The following PLEKHG1 variants were observed in gnomAD, a reference collection of about 807,000 sequenced individuals.
PLEKHG1 encodes pleckstrin homology domain-containing family G member 1.
PLEKHG1 carries 44 observed loss-of-function variants against 100.8 expected under a neutral mutation model. That is an observed-to-expected ratio of 0.44 (90% CI 0.34 to 0.56). The LOEUF is 0.56. Ranked by LOEUF, PLEKHG1 falls within the 20% of genes least tolerant of loss-of-function variation. The pLI, the probability that PLEKHG1 is intolerant of heterozygous loss-of-function variation, is 0.01. For synonymous variants in PLEKHG1, 640 were observed against 662.5 expected, an observed-to-expected ratio of 0.97 and a Z score of 0.52; for missense variants, 1,545 against 1,720.9, an observed-to-expected ratio of 0.90 and a Z score of 1.81.
intron 2 of PLEKHG1, among the ~76,000 whole-genome samples, chr6:150,763,715 G>A (rs1255293318): frequency 6.6e-6 from 1 of 152,220 alleles, no homozygotes; most frequent in Non-Finnish European, 1.5e-5. Flanking sequence ...GTCCTTCTCT[G>A]CAGAGGGAGC....
At chr6:150,668,645 A>G (rs185849024) in intron 3 of PLEKHG1, among the ~76,000 whole-genome samples, 2 of 152,200 alleles carry the variant, frequency 1.3e-5, no homozygotes, top group African/African-American at 4.8e-5. Context: ...GTTCCTAATC[A>G]GGCCGGACCT....
intron 15 of PLEKHG1, among the ~76,000 whole-genome samples, chr6:150,839,290 A>T (rs1356334048): frequency 6.6e-6 from 1 of 152,038 alleles, no homozygotes; most frequent in Non-Finnish European, 1.5e-5. Flanking sequence ...AAATTTTTGT[A>T]ATTTTAGTAG....
At chr6:150,729,055 G>A (rs1188456421) in intron 1 of PLEKHG1, among the ~76,000 whole-genome samples, 2 of 152,084 alleles carry the variant, frequency 1.3e-5, no homozygotes, top group African/African-American at 4.8e-5. Flanking sequence ...AATCTGGTGT[G>A]TATCTTACAT....
chr6:150,604,363 T>G (rs1776496844), intron 1 of PLEKHG1, among the ~76,000 whole-genome samples: 1 of 152,210 alleles, frequency 6.6e-6, no homozygotes, highest in Non-Finnish European at 1.5e-5. Flanking sequence ...TGGCAAGTCT[T>G]TTCCTGTAAA....
chr6:150,805,930 A>G (rs551141380), intron 7 of PLEKHG1, among the ~76,000 whole-genome samples: 1 of 152,328 alleles, frequency 6.6e-6, no homozygotes. Flanking sequence ...CTGTTGGGCC[A>G]GTGATCATGC....
At chr6:150,748,276 A>G (rs887950992) in intron 2 of PLEKHG1, among the ~76,000 whole-genome samples, 3 of 150,192 alleles carry the variant, frequency 2.0e-5, no homozygotes, top group Non-Finnish European at 4.5e-5. Flanking sequence ...TCGTTTATCC[A>G]TTCATCCATT....
At chr6:150,628,575 C>CACACACACACACACACAT (rs754227842) in intron 1 of PLEKHG1, among the ~76,000 whole-genome samples, 3,022 of 137,326 alleles carry the variant, frequency 0.022, 196 homozygotes, top group Middle Eastern at 0.042. Flanking sequence ...CACACACACA[C>CACACACACACACACACAT]ACCCCGTCCT....
At chr6:150,724,396 C>T (rs1052531534) in intron 1 of PLEKHG1, among the ~76,000 whole-genome samples, 2 of 152,186 alleles carry the variant, frequency 1.3e-5, no homozygotes, top group Non-Finnish European at 2.9e-5. Context: ...AACAGTCCCT[C>T]TCTGAGTGGT....
At chr6:150,800,108 G>A (rs1786599554) in intron 5 of PLEKHG1, among the ~76,000 whole-genome samples, 1 of 152,138 alleles carries the variant, frequency 6.6e-6, no homozygotes, top group Non-Finnish European at 1.5e-5. Context: ...CACTTATAAG[G>A]TTAACAATTT....
At chr6:150,771,762 G>A (rs373883808) in intron 3 of PLEKHG1, among the ~76,000 whole-genome samples, 107 of 152,104 alleles carry the variant, frequency 7.0e-4, no homozygotes, top group African/African-American at 2.5e-3. Flanking sequence ...TCAAAATAAT[G>A]TATTGTGGCC....
intron 3 of PLEKHG1, among the ~76,000 whole-genome samples, chr6:150,665,081 A>T (rs1346057757): frequency 6.6e-6 from 1 of 152,194 alleles, no homozygotes; most frequent in Non-Finnish European, 1.5e-5. Context: ...CGAGTTAAAT[A>T]GACCAATATA....
intron 3 of PLEKHG1, among the ~76,000 whole-genome samples, chr6:150,785,371 T>A (rs1478969393): frequency 6.6e-6 from 1 of 152,192 alleles, no homozygotes; most frequent in African/African-American, 2.4e-5. Context: ...GTATAACTCA[T>A]GTGGAGTGCA....
rs373830502 is a variant in PLEKHG1, at chr6:150,823,624, C to G, written c.1448-30C>G. ...TATATAGGAGGTACATTTTCATTCT[C>G]AAACTTGAAAAAAAACTTTTATTTT... is the stretch of plus-strand genomic sequence containing the variant. On this transcript the variant is annotated intron_variant, in intron 13 of 15. Transcript: ENST00000358517. 8 of 1,540,032 alleles carry G rather than the reference C, an allele frequency of 5.2e-6. No individual in the cohort carries two copies. In the African/African-American group the frequency reaches 1.1e-4, roughly 21 times the overall value.
chr6:150,806,662 CAAA>C (rs4036093), intron 7 of PLEKHG1, among the ~76,000 whole-genome samples: 8 of 132,668 alleles, frequency 6.0e-5, no homozygotes, highest in Admixed American at 7.6e-5. Flanking sequence ...GAGACTGTCT[CAAA>C]AAAAAAAAAA....
chr6:150,604,966 T>A (rs1776528182), intron 1 of PLEKHG1, among the ~76,000 whole-genome samples: 1 of 152,198 alleles, frequency 6.6e-6, no homozygotes, highest in African/African-American at 2.4e-5. Flanking sequence ...GCCATTCAAG[T>A]AACTTGCAGA....
chr6:150,687,827 G>A (rs1780193971), intron 3 of PLEKHG1, among the ~76,000 whole-genome samples: 1 of 152,190 alleles, frequency 6.6e-6, no homozygotes. Flanking sequence ...TGTATTGAAA[G>A]CAAATATATA....
intron 2 of PLEKHG1, among the ~76,000 whole-genome samples, chr6:150,647,916 C>T (rs1161695421): frequency 1.3e-5 from 2 of 152,092 alleles, no homozygotes; most frequent in African/African-American, 4.8e-5. Context: ...CCTATAATAA[C>T]TGAAATTATA....
At chr6:150,644,475 C>T (rs934475258) in intron 2 of PLEKHG1, among the ~76,000 whole-genome samples, 30 of 151,310 alleles carry the variant, frequency 2.0e-4, no homozygotes, top group African/African-American at 7.0e-4. Flanking sequence ...TCTGGGATTA[C>T]AGGCTACTCC....
intron 1 of PLEKHG1, among the ~76,000 whole-genome samples, chr6:150,729,250 T>TG (rs1782117249): frequency 1.3e-5 from 2 of 152,156 alleles, no homozygotes; most frequent in Admixed American, 6.6e-5. Context: ...GTATTTGAGA[T>TG]GGGGTTTTAC....
Sources: allele counts gnomAD v4.1 joint callset (sites outside exome capture counted in the v4.1 genomes callset), GRCh38; gene constraint gnomAD v4.1.1; transcripts MANE v1.5; gene names NCBI Gene and HGNC (gene_info 2026-07-23, HGNC 2026-07-21).